The following ZFP64 variants were observed in gnomAD, a reference collection of about 807,000 sequenced individuals.
ZFP64 encodes ZFP64 zinc finger protein.
Under a neutral mutation model 51.6 loss-of-function variants are expected in ZFP64, and 14 were observed. The ratio of observed to expected loss-of-function variants is 0.27; its 90% confidence interval spans 0.18 to 0.42. The LOEUF (loss-of-function observed/expected upper bound fraction) is 0.42, where lower values mean the gene tolerates loss of function less well. ZFP64 is among the 10% of genes least tolerant of loss of function. ZFP64 has a pLI of 1.00. For missense variants in ZFP64, 754 were observed against 906.8 expected (o/e 0.83, Z 2.16); for synonymous variants, 375 against 361.4 (o/e 1.04, Z -0.43).
intron 5 of ZFP64, among the ~76,000 whole-genome samples, chr20:52,109,147 TAGA>T (rs1333249596): frequency 6.6e-5 from 10 of 151,900 alleles, no homozygotes; most frequent in African/African-American, 1.9e-4. Flanking sequence ...CTCTTTTTTT[TAGA>T]AGATTTTTTT....
intron 5 of ZFP64, 152 bp downstream of exon 5, chr20:52,159,971 C>CAAA: frequency 7.3e-7 from 1 of 1,360,932 alleles, no homozygotes; most frequent in Non-Finnish European, 1.0e-6. Context: ...CGAGACAAAA[C>CAAA]AACAACAACA....
Position 52,191,692 on chromosome 20 carries a change from T to C in ZFP64, c.-56A>G. The C allele has an allele frequency of 6.5e-7, 1 of 1,547,984 alleles. No individual in the cohort carries two copies. The highest frequency in any genetic ancestry group is 8.7e-7 in the Non-Finnish European group (1 of 1,151,252). Reference sequence around the variant, plus strand: ...GGGATGCCAAAGTGGGGGACGCTGATCTACATGGTGCAAGGACTTTTCCTT... The same window carrying C: ...GGGATGCCAAAGTGGGGGACGCTGACCTACATGGTGCAAGGACTTTTCCTT... On this transcript the variant is annotated 5_prime_UTR_variant, in exon 1 of 6. Transcript: ENST00000216923. This position sits in a 1 kb window ranked among gnomAD's most constrained non-coding sequence, Gnocchi z 4.3.
intron 5 of ZFP64, among the ~76,000 whole-genome samples, chr20:52,100,811 T>C (rs2122766810): frequency 6.6e-6 from 1 of 152,348 alleles, no homozygotes. Flanking sequence ...AAAAGGAGAT[T>C]ACATGCCTCA....
chr20:52,139,386 G>A (rs534173990), intron 5 of ZFP64, among the ~76,000 whole-genome samples: 3 of 152,226 alleles, frequency 2.0e-5, no homozygotes, highest in South Asian at 4.1e-4. Context: ...TATCCTAAGT[G>A]AATTAATGCA....
chr20:52,178,296 C>G (rs1983381838), intron 2 of ZFP64, among the ~76,000 whole-genome samples: 1 of 152,148 alleles, frequency 6.6e-6, no homozygotes, highest in African/African-American at 2.4e-5. Context: ...TGCAACCAGA[C>G]AGCCTGGGTT....
chr20:52,085,376 T>A lies in ZFP64; in HGVS notation c.1229-110A>T. ...CATGAGATGGTTGGGTTTTGTGAAC[T>A]CTAAACCCAACCTCCTAATGACAAC... On this transcript the variant is annotated intron_variant, in intron 8 of 8. Transcript: ENST00000361387. The surrounding 1 kb of genome is among the most constrained non-coding windows in gnomAD (Gnocchi z 4.3). 2.6e-6 allele frequency: 3 copies of A among 1,171,158 alleles called. No homozygotes were observed. Among genetic ancestry groups the A allele is most frequent in the Non-Finnish European group, 2.4e-6 (2 of 845,186 alleles). 72.5% of individuals were successfully genotyped at this position (1,171,158 alleles called of 1,614,324 possible).
At chr20:52,168,540 C>T (rs950974682) in intron 2 of ZFP64, among the ~76,000 whole-genome samples, 3 of 152,188 alleles carry the variant, frequency 2.0e-5, no homozygotes, top group Non-Finnish European at 2.9e-5. Flanking sequence ...TGTGCTCTAA[C>T]AAGCCCTCCA....
exon 9 of ZFP64, chr20:52,084,758 G>T: frequency 6.2e-7 from 1 of 1,614,236 alleles, no homozygotes. Flanking sequence ...CACAGCGGAA[G>T]GCCCTCTGCG....
rs531495667 is a variant in ZFP64 at position 52,085,455 on chromosome 20, T to C, written c.1229-189A>G. On this transcript the variant is annotated intron_variant, in intron 8 of 8. Transcript: ENST00000361387. This position sits in a 1 kb window ranked among gnomAD's most constrained non-coding sequence, Gnocchi z 4.3. Reference sequence around the variant, plus strand: ...ACAACAATCCTATGAGTGGGTACTATTACCCCCACTTTACAGATGGGACAA... The same window carrying C: ...ACAACAATCCTATGAGTGGGTACTACTACCCCCACTTTACAGATGGGACAA... Among the ~76,000 whole-genome samples the C allele has an allele frequency of 6.6e-6, 1 of 152,302 alleles. No homozygotes were observed. Among genetic ancestry groups the C allele is most frequent in the African/African-American group, 2.4e-5 (1 of 41,576 alleles).
Position 52,152,527 on chromosome 20 carries a change from C to T in ZFP64, c.1665G>A (p.Ser555=), listed in dbSNP as rs748291906. ...TTGCGCCCGCCTCGCTCGGACACCG[C>T]GAGGACTGAGGGGGGGCGATCAGAC... ...QVSLIAPPQS[S]RCPSEAGAMT... The change falls in exon 6 of 6, where the codon TCG becomes TCA. Residue 555 remains serine, a synonymous_variant. Coordinates refer to ENST00000216923, the MANE Select transcript of ZFP64 (RefSeq NM_018197.3). The T allele has an allele frequency of 6.3e-7, 1 of 1,596,872 alleles. No homozygotes were observed. Among genetic ancestry groups the T allele is most frequent in the Non-Finnish European group, 8.5e-7 (1 of 1,172,412 alleles).
rs552214022 is a variant in ZFP64, at chr20:52,131,780, T to C, written c.763+28343A>G. 2.6e-5 allele frequency among the ~76,000 whole-genome samples: 4 copies of C among 152,272 alleles called. No homozygotes were observed. In the South Asian group the frequency reaches 8.3e-4, roughly 32 times the overall value. ...CCTAATACAATAATAGCTGGAGACT[T>C]CAACACCCCACTTTCAGCATTTGCC... On this transcript the variant is annotated intron_variant, in intron 5 of 8. Transcript: ENST00000361387.
chr20:52,105,427 C>G, intron 5 of ZFP64: 1 of 1,198,834 alleles, frequency 8.3e-7, no homozygotes, highest in Non-Finnish European at 1.0e-6. Flanking sequence ...CCCAGGAGTC[C>G]CGCGGACTTG....
At chr20:52,121,907 C>A (rs995578739) in intron 5 of ZFP64, among the ~76,000 whole-genome samples, 4 of 152,160 alleles carry the variant, frequency 2.6e-5, no homozygotes, top group Non-Finnish European at 5.9e-5. Flanking sequence ...TTTACCATTC[C>A]AAAAATCCTA....
intron 5 of ZFP64, chr20:52,098,621 A>G (rs769951439): frequency 5.0e-6 from 8 of 1,613,454 alleles, no homozygotes; most frequent in Middle Eastern, 1.7e-4. Context: ...TTAGTTTCTC[A>G]TTTATAACCA....
chr20:52,175,758 C>T (rs1600806658), intron 2 of ZFP64, among the ~76,000 whole-genome samples: 1 of 152,238 alleles, frequency 6.6e-6, no homozygotes, highest in East Asian at 1.9e-4. Context: ...GCAGGAGAAT[C>T]GCTTGAACCC....
chr20:52,103,192 T>C (rs1482611374), intron 5 of ZFP64, among the ~76,000 whole-genome samples: 1 of 152,190 alleles, frequency 6.6e-6, no homozygotes, highest in Non-Finnish European at 1.5e-5. Context: ...TTTTAACTCC[T>C]GGGGAAACGG....
chr20:52,162,123 C>A (rs2123010674), intron 4 of ZFP64, among the ~76,000 whole-genome samples: 1 of 151,376 alleles, frequency 6.6e-6, no homozygotes, highest in South Asian at 2.1e-4. Flanking sequence ...CATGGTGAAA[C>A]CCTGTCTGAA....
intron 2 of ZFP64, among the ~76,000 whole-genome samples, chr20:52,184,514 T>A (rs1329071944): frequency 2.6e-5 from 4 of 152,262 alleles, no homozygotes; most frequent in African/African-American, 4.8e-5. Flanking sequence ...GTATTTTTTT[T>A]ATACTTACCT....
intron 5 of ZFP64, among the ~76,000 whole-genome samples, chr20:52,120,676 T>A (rs1979143046): frequency 7.5e-6 from 1 of 133,572 alleles, no homozygotes; most frequent in Non-Finnish European, 1.6e-5. Context: ...TCTTTTTTTT[T>A]TTTTTTTTTT....
Sources: gnomAD v4.1 joint callset for allele counts (sites outside exome capture counted in the v4.1 genomes callset) on GRCh38, gnomAD v4.1.1 for gene constraint, Gnocchi (gnomAD v3.1) non-coding constraint, MANE v1.5 for transcripts, NCBI Gene and HGNC (gene_info 2026-07-23, HGNC 2026-07-21) for gene names.